The following MMP8 variants were observed in gnomAD, a reference collection of about 807,000 sequenced individuals.
The protein encoded by MMP8 is neutrophil collagenase.
MMP8 carries 67 observed loss-of-function variants against 51.2 expected under a neutral mutation model. The observed-to-expected ratio is 1.31, with a 90% CI of 1.08 to 1.60. The LOEUF is 1.60. Among genes scored for constraint, MMP8 ranks in the 40% most tolerant of loss-of-function variants. MMP8 has a pLI of 0.00. For synonymous variants in MMP8, 225 were observed against 191.0 expected, an observed-to-expected ratio of 1.18 and a Z score of -1.47; for missense variants, 654 against 558.1, an observed-to-expected ratio of 1.17 and a Z score of -1.73.
At position 102,717,721 on chromosome 11, in the gene MMP8, T is replaced by C. The variant is rs545713596; in HGVS notation, c.784+693A>G. Among the ~76,000 whole-genome samples, 136 of 152,292 alleles carry C rather than the reference T, an allele frequency of 8.9e-4. 1 individual carries two copies. Among genetic ancestry groups the C allele is most frequent in the Middle Eastern group, 6.8e-3 (2 of 294 alleles). On this transcript the variant is annotated intron_variant, in intron 5 of 9. Coordinates refer to ENST00000236826, the MANE Select transcript of MMP8 (RefSeq NM_002424.3). Reference sequence around the variant, plus strand: ...ACATCTTTGGCATGATTTGTACATGTCCCCTTATGGATCTACATGAGAATT... The same window carrying C: ...ACATCTTTGGCATGATTTGTACATGCCCCCTTATGGATCTACATGAGAATT...
In MMP8 at chr11:102,722,394, TA is replaced by T. The variant is rs764805218; in HGVS notation, c.347+34del. On this transcript the variant is annotated intron_variant, in intron 2 of 9. Coordinates refer to ENST00000236826, the MANE Select transcript of MMP8 (RefSeq NM_002424.3). ...ATATAAGAGCCCAGTCCATACTGGA[TA>T]AATGAGTGTATCCTGAAACCCTAGA... The T allele has an allele frequency of 1.4e-5, 22 of 1,609,014 alleles. 1 individual carries two copies. The highest frequency in any genetic ancestry group is 1.7e-4 in the Middle Eastern group (1 of 6,042).
In MMP8 at chr11:102,713,078, T is replaced by G. The variant is rs1356895458; in HGVS notation, c.*270A>C. 3.4e-6 allele frequency: 1 copy of G among 296,724 alleles called. No homozygotes were observed. Among genetic ancestry groups the G allele is most frequent in the African/African-American group, 2.2e-5 (1 of 45,544 alleles). The allele number at this position is 296,724 out of a possible 1,614,324, so 18.4% of individuals were successfully genotyped here. ...GAAGTCAGATATGTAAGTATTGAAA[T>G]AGTAAATATTGAGGTGACAAAAAGG... On this transcript the variant is annotated 3_prime_UTR_variant, in exon 10 of 10. Coordinates refer to ENST00000236826, the MANE Select transcript of MMP8 (RefSeq NM_002424.3).
chr11:102,720,412 A>G (rs571096168), intron 4 of MMP8, among the ~76,000 whole-genome samples: 2 of 152,234 alleles, frequency 1.3e-5, no homozygotes, highest in African/African-American at 4.8e-5. Context: ...GGGAATGGAG[A>G]GGAGCTGAGG....
rs189072210 is a variant in MMP8 at position 102,724,464 on chromosome 11, C to T, written c.102+290G>A. On this transcript the variant is annotated intron_variant, in intron 1 of 9. Transcript: ENST00000236826. ...TAGGTAAATGAGAAAGAAAATGATA[C>T]CATTTTATAAATAAAACCATTTCTT... Among the ~76,000 whole-genome samples, 5 of 152,268 alleles carry T rather than the reference C, an allele frequency of 3.3e-5. No homozygotes were observed. The East Asian group carries it at 9.6e-4, about 29-fold the overall frequency.
intron 7 of MMP8, 51 bp downstream of exon 7, chr11:102,715,253 C>T (rs1416255841): frequency 4.5e-6 from 7 of 1,566,380 alleles, no homozygotes; most frequent in Admixed American, 1.9e-5. Context: ...AGAAGTCCTG[C>T]CCCCTCCCTT....
rs751015604 is a variant in MMP8, at chr11:102,714,724, G to C, written c.1037-15C>G. 6 of 1,428,902 alleles carry C rather than the reference G, an allele frequency of 4.2e-6. No homozygotes were observed. The East Asian group carries it at 1.8e-4, about 42-fold the overall frequency. 88.5% of individuals were successfully genotyped at this position (1,428,902 alleles called of 1,614,324 possible). Reference sequence around the variant, plus strand: ...GTATTGGTTGCCTGTCAATGATTCAGGTTAAGTGTTAAATACGACTTTTCC... The same window carrying C: ...GTATTGGTTGCCTGTCAATGATTCACGTTAAGTGTTAAATACGACTTTTCC... On this transcript the variant is annotated splice_polypyrimidine_tract_variant and intron_variant, in intron 7 of 9. Coordinates refer to ENST00000236826, the MANE Select transcript of MMP8 (RefSeq NM_002424.3).
At chr11:102,720,889 G>A (rs900304136) in intron 4 of MMP8, among the ~76,000 whole-genome samples, 1 of 151,606 alleles carries the variant, frequency 6.6e-6, no homozygotes, top group Non-Finnish European at 1.5e-5. Context: ...ATTTCTAAAT[G>A]AATTTCCAAA....
In MMP8 at chr11:102,713,839, T is replaced by C. The variant is rs534112261; in HGVS notation, c.1209A>G (p.Gln403=). ...TTTTGGGATAACCTGGCTCCATGAA[T>C]TGTCTTTGGTTATCATATCTGGTAA... ...DQFWRYDNQR[Q]FMEPGYPKSI... The change falls in exon 9 of 10, where the codon CAA becomes CAG. Residue 403 remains glutamine (Q), a synonymous_variant. Transcript: ENST00000236826. 6 of 1,610,658 alleles carry C rather than the reference T, an allele frequency of 3.7e-6. No homozygotes were observed. The South Asian group carries it at 6.6e-5, about 18-fold the overall frequency.
chr11:102,715,576 G>T (rs2134296922), intron 6 of MMP8, 139 bp from the exon 7 acceptor site: 2 of 1,154,350 alleles, frequency 1.7e-6, no homozygotes, highest in South Asian at 3.2e-5. Context: ...AAAGTTCCTA[G>T]CACAGTGACC....
chr11:102,721,562 G>A (rs1861472163), intron 3 of MMP8, 36 bp from the exon 4 acceptor site: 2 of 1,613,320 alleles, frequency 1.2e-6, no homozygotes, highest in Non-Finnish European at 8.5e-7. Context: ...TCCTTGCCAA[G>A]TTTCAGGTTA....
At position 102,722,519 on chromosome 11, in the gene MMP8, A is replaced by C. The variant is rs1320482645; in HGVS notation, c.257T>G (p.Met86Arg). 1 of 1,613,822 alleles carries C rather than the reference A, an allele frequency of 6.2e-7. No homozygotes were observed. The highest frequency in any genetic ancestry group is 8.5e-7 in the Non-Finnish European group (1 of 1,179,858). Residue 86 changes from methionine (M) to arginine (R), a missense_variant, in exon 2 of 10, where the codon ATG becomes AGG. Coordinates refer to ENST00000236826, the MANE Select transcript of MMP8 (RefSeq NM_002424.3). ...AGGCACTCCACAGCGAGGCTTTTTC[A>C]TCATGTCCAGAGTTTCCTCATTTGG... ...GKPNEETLDM[M>R]KKPRCGVPDS...
chr11:102,722,507 C>G lies in MMP8; in HGVS notation c.269G>C (p.Arg90Pro). The G allele has an allele frequency of 6.2e-7, 1 of 1,613,960 alleles. No individual in the cohort carries two copies. Among genetic ancestry groups the G allele is most frequent in the African/African-American group, 1.3e-5 (1 of 75,038 alleles). ...ACCACCACTGTCAGGCACTCCACAG[C>G]GAGGCTTTTTCATCATGTCCAGAGT... ...EETLDMMKKP[R>P]CGVPDSGGFM... Residue 90 changes from arginine to proline, a missense_variant, in exon 2 of 10, where the codon CGC (arginine) becomes CCC (proline). Coordinates refer to ENST00000236826, the MANE Select transcript of MMP8 (RefSeq NM_002424.3).
Position 102,721,658 on chromosome 11 carries a change from A to T in MMP8, c.452T>A (p.Ile151Asn), listed in dbSNP as rs1431502541. 4 of 1,613,870 alleles carry T rather than the reference A, an allele frequency of 2.5e-6. No individual in the cohort carries two copies. Among genetic ancestry groups the T allele is most frequent in the Non-Finnish European group, 3.4e-6 (4 of 1,179,860 alleles). ...GTTGATATCTGCCTCTCCCTGTGAG[A>T]TCCTGGTGAAGATGAGAGGTGATGC... Reference protein sequence around the residue: ...SVASPLIFTRISQGEADINIA... With the variant: ...SVASPLIFTRNSQGEADINIA... The change falls in exon 3 of 10, where the codon ATC (isoleucine) becomes AAC (asparagine). Residue 151 changes from isoleucine (I) to asparagine (N), a missense_variant. By Grantham distance (149) the Ile-to-Asn change is moderately radical. Transcript: ENST00000236826.
At chr11:102,723,555 T>C in intron 1 of MMP8, 1 of 453,454 alleles carries the variant, frequency 2.2e-6, no homozygotes. Flanking sequence ...TGCTGTGTCA[T>C]AACATGGCAG....
At position 102,722,544 on chromosome 11, in the gene MMP8, G is replaced by A; in HGVS notation, c.232C>T (p.Pro78Ser). The A allele has an allele frequency of 6.2e-7, 1 of 1,613,896 alleles. No individual in the cohort carries two copies. The part of the protein sequence containing the change: ...RFFGLNVTGK[P>S]NEETLDMMKK... ...ATCATGTCCAGAGTTTCCTCATTTG[G>A]CTTCCCCGTCACATTCAACCCAAAA... Residue 78 changes from proline to serine, a missense_variant, in exon 2 of 10, where the codon CCA (proline) becomes TCA (serine). Transcript: ENST00000236826.
chr11:102,719,397 A>G (rs1362167227), intron 4 of MMP8, among the ~76,000 whole-genome samples: 1 of 149,208 alleles, frequency 6.7e-6, no homozygotes, highest in Non-Finnish European at 1.5e-5. Flanking sequence ...CTACTTTTAA[A>G]AAAAGCCATA....
intron 5 of MMP8, among the ~76,000 whole-genome samples, chr11:102,717,910 C>T (rs538296249): frequency 6.6e-6 from 1 of 152,248 alleles, no homozygotes; most frequent in African/African-American, 2.4e-5. Context: ...AGTTCAAGAC[C>T]AGCCTGGTCA....
chr11:102,718,265 T>C, intron 5 of MMP8, 149 bp downstream of exon 5: 1 of 859,046 alleles, frequency 1.2e-6, no homozygotes, highest in Non-Finnish European at 1.8e-6. Context: ...CCCTCACACC[T>C]TCTTTGTTAA....
At chr11:102,713,525 AC>A (rs1460954788) in intron 9 of MMP8, 68 bp from the exon 10 acceptor site, 2 of 1,320,286 alleles carry the variant, frequency 1.5e-6, no homozygotes, top group South Asian at 1.2e-5. Flanking sequence ...CAGTTAGAAA[AC>A]CCTGCCCCTG....
Sources: gnomAD v4.1 joint callset for allele counts (sites outside exome capture counted in the v4.1 genomes callset) on GRCh38, gnomAD v4.1.1 for gene constraint, MANE v1.5 for transcripts, NCBI Gene and HGNC (gene_info 2026-07-23, HGNC 2026-07-21) for gene names.